The following PTPRK variants were observed in gnomAD, a reference collection of about 807,000 sequenced individuals.
PTPRK encodes receptor-type tyrosine-protein phosphatase kappa.
In PTPRK, 75 loss-of-function variants were observed where a neutral mutation model predicts 178.0. The ratio of observed to expected loss-of-function variants is 0.42; its 90% CI spans 0.35 to 0.51. The LOEUF (loss-of-function observed/expected upper bound fraction) is 0.51, where lower values mean the gene tolerates loss of function less well. Ranked by LOEUF, PTPRK falls within the 20% of genes least tolerant of loss-of-function variation. The pLI, the probability that PTPRK is intolerant of heterozygous loss-of-function variation, is 0.02. For missense variants in PTPRK, 1,441 were observed against 1,797.8 expected, an observed-to-expected ratio of 0.80 and a Z score of 3.59; for synonymous variants, 637 against 620.6, an observed-to-expected ratio of 1.03 and a Z score of -0.39.
chr6:128,254,277 T>C lies in PTPRK; in HGVS notation c.496-11675A>G, dbSNP rs184065043. ...TCAAGAACAGTGATATCATTAGCTA[T>C]ATAACGTTTAAATAGCACAAATATA... On this transcript the variant is annotated intron_variant, in intron 3 of 29. Coordinates refer to ENST00000368226, the MANE Select transcript of PTPRK (RefSeq NM_002844.4). Among the ~76,000 whole-genome samples the C allele has an allele frequency of 2.6e-3, 402 of 152,270 alleles. 1 individual carries two copies. Among genetic ancestry groups the C allele is most frequent in the African/African-American group, 9.2e-3 (381 of 41,576 alleles).
intron 2 of PTPRK, among the ~76,000 whole-genome samples, chr6:128,382,343 CAT>C (rs1452617038): frequency 1.3e-5 from 2 of 150,572 alleles, no homozygotes; most frequent in African/African-American, 2.4e-5. Context: ...TATATGTAAT[CAT>C]GTGTCCATTT....
chr6:128,195,479 A>C (rs1562769299), intron 6 of PTPRK, among the ~76,000 whole-genome samples: 1 of 152,070 alleles, frequency 6.6e-6, no homozygotes, highest in Non-Finnish European at 1.5e-5. Context: ...GTCAGGTAAA[A>C]TGCAAAACTT....
intron 3 of PTPRK, among the ~76,000 whole-genome samples, chr6:128,270,314 A>G (rs1423911043): frequency 6.6e-6 from 1 of 152,290 alleles, no homozygotes; most frequent in East Asian, 1.9e-4. Flanking sequence ...AGGAAACCTT[A>G]GAAAGTATCT....
At chr6:128,456,184 G>A (rs965478446) in intron 1 of PTPRK, among the ~76,000 whole-genome samples, 1 of 151,874 alleles carries the variant, frequency 6.6e-6, no homozygotes, top group Non-Finnish European at 1.5e-5. Context: ...ACAAACTCTT[G>A]TTATGAGATC....
chr6:127,973,930 T>C (rs890691781), intron 27 of PTPRK, 103 bp from the exon 28 acceptor site: 4 of 1,156,202 alleles, frequency 3.5e-6, no homozygotes, highest in African/African-American at 1.6e-5. Context: ...CTACACTGGA[T>C]TGAGTCTAGC....
Position 128,309,738 on chromosome 6 carries a change from AACC to A in PTPRK, c.495+12298_495+12300del, listed in dbSNP as rs538343820. On this transcript the variant is annotated intron_variant, in intron 3 of 29. Transcript: ENST00000368226. ...ATGTCATTCTAATTCATATTTTCCA[AACC>A]ATTCCCTCTGAATTAAGATATTCTG... 2.5e-3 allele frequency among the ~76,000 whole-genome samples: 381 copies of A among 152,242 alleles called. 2 individuals are homozygous for A. Among genetic ancestry groups the A allele is most frequent in the South Asian group, 9.7e-3 (47 of 4,824 alleles).
intron 1 of PTPRK, chr6:128,491,772 T>A (rs1197468870): frequency 1.9e-6 from 1 of 518,512 alleles, no homozygotes; most frequent in Non-Finnish European, 3.9e-6. Flanking sequence ...GGGTTCTGTG[T>A]GCGTGATAGA....
chr6:128,457,929 C>A (rs563499677), intron 1 of PTPRK, among the ~76,000 whole-genome samples: 30 of 152,206 alleles, frequency 2.0e-4, no homozygotes, highest in African/African-American at 6.7e-4. Context: ...CCATTGCGGG[C>A]TAATTACGCC....
At chr6:128,265,997 G>A (rs1418726440) in intron 3 of PTPRK, among the ~76,000 whole-genome samples, 3 of 152,040 alleles carry the variant, frequency 2.0e-5, no homozygotes, top group Admixed American at 6.6e-5. Context: ...GTCTATGAAC[G>A]AGAAAATAGA....
chr6:128,268,377 C>T (rs1329887403), intron 3 of PTPRK, among the ~76,000 whole-genome samples: 2 of 151,650 alleles, frequency 1.3e-5, no homozygotes, highest in Admixed American at 6.6e-5. Flanking sequence ...TTATTGAGCA[C>T]AAAAAGACAT....
At chr6:128,376,382 C>T (rs1837075309) in intron 2 of PTPRK, among the ~76,000 whole-genome samples, 2 of 152,146 alleles carry the variant, frequency 1.3e-5, no homozygotes, top group Admixed American at 6.6e-5. Context: ...TGTAAGGCAA[C>T]AGCCAGAGCT....
intron 1 of PTPRK, among the ~76,000 whole-genome samples, chr6:128,410,142 A>T (rs1842138121): frequency 6.6e-6 from 1 of 152,186 alleles, no homozygotes; most frequent in Non-Finnish European, 1.5e-5. Context: ...AAGACATGAA[A>T]ATCATGGTAT....
In PTPRK at chr6:127,991,275, T is replaced by C; in HGVS notation, c.2979+19A>G. Reference sequence around the variant, plus strand: ...TATGTTCATTTTTATGACAAAAAAATTCTTTTTCTTCCTCTTACCCGGCCA... The same window carrying C: ...TATGTTCATTTTTATGACAAAAAAACTCTTTTTCTTCCTCTTACCCGGCCA... On this transcript the variant is annotated intron_variant, in intron 20 of 29. Coordinates refer to ENST00000368226, the MANE Select transcript of PTPRK (RefSeq NM_002844.4). 6.4e-7 allele frequency: 1 copy of C among 1,561,084 alleles called. No individual in the cohort carries two copies. Among genetic ancestry groups the C allele is most frequent in the South Asian group, 1.2e-5 (1 of 83,282 alleles).
At chr6:128,375,084 T>TTATTAC (rs1194037289) in intron 2 of PTPRK, among the ~76,000 whole-genome samples, 4 of 147,310 alleles carry the variant, frequency 2.7e-5, no homozygotes, top group African/African-American at 9.9e-5. Flanking sequence ...ATTATTATTA[T>TTATTAC]TATTATTATT....
intron 2 of PTPRK, among the ~76,000 whole-genome samples, chr6:128,390,900 C>A (rs914576852): frequency 2.0e-5 from 3 of 152,042 alleles, no homozygotes; most frequent in African/African-American, 7.2e-5. Flanking sequence ...CTCAGAGATG[C>A]TTTTCTAAAA....
At chr6:128,277,375 G>A (rs967905165) in intron 3 of PTPRK, among the ~76,000 whole-genome samples, 2 of 152,108 alleles carry the variant, frequency 1.3e-5, no homozygotes, top group South Asian at 2.1e-4. Flanking sequence ...GATAAAATAC[G>A]AAACTGTCAT....
chr6:128,380,553 C>CGT (rs1554246048), intron 2 of PTPRK, among the ~76,000 whole-genome samples: 4,977 of 146,314 alleles, frequency 0.034, 297 homozygotes, highest in African/African-American at 0.12. Flanking sequence ...CACACACACA[C>CGT]GTGTGTGTGT....
At chr6:128,363,617 A>C (rs140387888) in intron 2 of PTPRK, among the ~76,000 whole-genome samples, 1 of 152,122 alleles carries the variant, frequency 6.6e-6, no homozygotes, top group Non-Finnish European at 1.5e-5. Flanking sequence ...CTTGGCTCAT[A>C]AACTGCAGTC....
intron 3 of PTPRK, chr6:128,321,623 C>A (rs1828800281): frequency 1.8e-6 from 1 of 568,098 alleles, no homozygotes; most frequent in East Asian, 2.9e-5. Context: ...ATGTTACTTT[C>A]AAAAAGTCAG....
Sources: gnomAD v4.1 joint callset for allele counts (sites outside exome capture counted in the v4.1 genomes callset) on GRCh38, gnomAD v4.1.1 for gene constraint, MANE v1.5 for transcripts, NCBI Gene and HGNC (gene_info 2026-07-23, HGNC 2026-07-21) for gene names.